ERAP1: variants seen among roughly 807,000 people sequenced by gnomAD.
ERAP1 encodes the protein endoplasmic reticulum aminopeptidase 1.
Under a neutral mutation model 103.7 loss-of-function variants are expected in ERAP1, and 86 were observed. That is an observed-to-expected ratio of 0.83 (90% CI 0.70 to 0.99). The LOEUF is 0.99. Ranked by LOEUF, ERAP1 falls within the 50% of genes least tolerant of loss-of-function variation. The pLI, the probability that ERAP1 is intolerant of heterozygous loss-of-function variation, is 0.00. For missense variants in ERAP1, 1,009 were observed against 1,128.4 expected, an observed-to-expected ratio of 0.89 and a Z score of 1.52; for synonymous variants, 398 against 402.4, an observed-to-expected ratio of 0.99 and a Z score of 0.13.
intron 5 of ERAP1, 74 bp downstream of exon 5, chr5:96,794,968 T>C: frequency 1.3e-6 from 2 of 1,562,308 alleles, no homozygotes; most frequent in South Asian, 2.3e-5. Context: ...ACTACAGGGA[T>C]GTGCCAATTA....
At position 96,790,187 on chromosome 5, in the gene ERAP1, G is replaced by A. The variant is rs1344892042; in HGVS notation, c.1524+109C>T. On this transcript the variant is annotated intron_variant, in intron 10 of 18. Coordinates refer to ENST00000443439, the MANE Select transcript of ERAP1 (RefSeq NM_001040458.3). Reference sequence around the variant, plus strand: ...GTTTAAATGCAGTCTTATCTGGAATGAGGGTGATATAATCAAGGACCTCAG... The same window carrying A: ...GTTTAAATGCAGTCTTATCTGGAATAAGGGTGATATAATCAAGGACCTCAG... 4 of 893,330 alleles carry A rather than the reference G, an allele frequency of 4.5e-6. 1 individual carries two copies. Among genetic ancestry groups the A allele is most frequent in the Non-Finnish European group, 7.4e-6 (4 of 542,390 alleles). The allele number at this position is 893,330 out of a possible 1,614,324, so 55.3% of individuals were successfully genotyped here. A position where few individuals can be genotyped will look rare whatever the true frequency, so the allele number is the denominator to read the frequency against.
chr5:96,883,643 C>T, the ERAP1 span: 1 of 777,508 alleles, frequency 1.3e-6, no homozygotes, highest in Admixed American at 3.4e-5. Flanking sequence ...TCATTTTCCT[C>T]AAAGAGACAG....
chr5:96,837,325 A>AAAG, the ERAP1 span, among the ~76,000 whole-genome samples: 2 of 152,258 alleles, frequency 1.3e-5, no homozygotes, highest in African/African-American at 4.8e-5. Flanking sequence ...ATAGTTTTTC[A>AAAG]AAGTTATTGT....
the ERAP1 span, among the ~76,000 whole-genome samples, chr5:96,834,099 A>G: frequency 1.3e-5 from 2 of 152,230 alleles, no homozygotes; most frequent in Non-Finnish European, 2.9e-5. Context: ...GGTAGCCTTA[A>G]TTTGTTAGCA....
chr5:96,797,152 A>G (rs758915240), intron 4 of ERAP1, 23 bp downstream of exon 4: 28 of 1,613,766 alleles, frequency 1.7e-5, no homozygotes, highest in Middle Eastern at 1.6e-4. Flanking sequence ...GCTGGTCACC[A>G]TATGTGACAG....
rs565789423 is a variant in ERAP1 at position 96,762,462 on chromosome 5, T to A, written c.*738A>T. 1,014 of 833,908 alleles carry A rather than the reference T, an allele frequency of 1.2e-3. 5 individuals carry two copies. The highest frequency in any genetic ancestry group is 9.6e-4 in the Non-Finnish European group (523 of 543,438). 51.7% of individuals were successfully genotyped at this position (833,908 alleles called of 1,614,324 possible). ...GGCGCCTGTTTAAAGCAAATGAAAATAGGCAGAATTATTAGGAAGATCAGG... is the reference window on the plus strand; with the variant it reads ...GGCGCCTGTTTAAAGCAAATGAAAAAAGGCAGAATTATTAGGAAGATCAGG... On this transcript the variant is annotated 3_prime_UTR_variant, in exon 20 of 20. Transcript: ENST00000296754.
At chr5:96,896,415 G>T in the ERAP1 span, 1 of 1,612,534 alleles carries the variant, frequency 6.2e-7, no homozygotes, top group Non-Finnish European at 8.5e-7. Flanking sequence ...AATTACAAAA[G>T]ATTCATTGAA....
At chr5:96,886,572 C>G in the ERAP1 span, 2 of 1,258,442 alleles carry the variant, frequency 1.6e-6, no homozygotes, top group Non-Finnish European at 2.1e-6. Context: ...AGGCTTGCCT[C>G]TAACTCACCT....
At chr5:96,823,055 C>T in the ERAP1 span, 171 of 456,256 alleles carry the variant, frequency 3.7e-4, no homozygotes, top group African/African-American at 2.8e-3. Flanking sequence ...GACTGGAGGC[C>T]GCCCTCATCT....
chr5:96,766,276 G>A, intron 19 of ERAP1: 1 of 584,992 alleles, frequency 1.7e-6, no homozygotes, highest in Non-Finnish European at 3.1e-6. Flanking sequence ...TGCTTCTAAT[G>A]TGTCACCAAA....
chr5:96,786,582 T>A, intron 11 of ERAP1, 33 bp from the exon 12 acceptor site: 1 of 1,364,034 alleles, frequency 7.3e-7, no homozygotes, highest in Non-Finnish European at 1.1e-6. Context: ...TGTTCATTTG[T>A]TGATTCAATT....
chr5:96,792,440 C>T (rs1451408926), intron 7 of ERAP1, among the ~76,000 whole-genome samples: 1 of 152,104 alleles, frequency 6.6e-6, no homozygotes, highest in East Asian at 1.9e-4. Context: ...AAGAAAATTT[C>T]GTATTAATCT....
At chr5:96,918,234 C>T in the ERAP1 span, 1 of 152,328 alleles carries the variant, frequency 6.6e-6, no homozygotes, top group African/African-American at 2.4e-5. Flanking sequence ...AATTATTTAG[C>T]CTCAAGTGAC....
chr5:96,776,382 C>T lies in ERAP1; in HGVS notation c.*14G>A. 6.2e-7 allele frequency: 1 copy of T among 1,601,446 alleles called. No individual in the cohort carries two copies. The highest frequency in any genetic ancestry group is 8.5e-7 in the Non-Finnish European group (1 of 1,173,402). ...GTGATTAGAGATAACAGGAACCTGGCAAGGGAGGAATTTTTACATACGTTC... is the reference window on the plus strand; with the variant it reads ...GTGATTAGAGATAACAGGAACCTGGTAAGGGAGGAATTTTTACATACGTTC... On this transcript the variant is annotated 3_prime_UTR_variant, in exon 19 of 19. Coordinates refer to ENST00000443439, the MANE Select transcript of ERAP1 (RefSeq NM_001040458.3).
chr5:96,779,877 T>G (rs780592771), intron 18 of ERAP1, among the ~76,000 whole-genome samples: 1 of 152,222 alleles, frequency 6.6e-6, no homozygotes, highest in Non-Finnish European at 1.5e-5. Context: ...CAGGGGACAA[T>G]TGCGAGAATT....
Position 96,803,766 on chromosome 5 carries a change from A to C in ERAP1, c.161T>G (p.Leu54Arg). The change falls in exon 2 of 19, where the codon CTT becomes CGT. Residue 54 changes from leucine (L) to arginine (R), a missense_variant. Coordinates refer to ENST00000443439, the MANE Select transcript of ERAP1 (RefSeq NM_001040458.3). ...GTPFPWNKIR[L>R]PEYVIPVHYD... is the part of the protein sequence containing the mutation. ...ATGAACTGGGATGACGTACTCAGGA[A>C]GTCGTATTTTATTCCAAGGAAATGG... 1 of 1,614,212 alleles carries C rather than the reference A, an allele frequency of 6.2e-7. No individual in the cohort carries two copies. Among genetic ancestry groups the C allele is most frequent in the South Asian group, 1.1e-5 (1 of 91,084 alleles).
exon 20 of ERAP1, chr5:96,762,281 A>G: frequency 1.2e-6 from 2 of 1,601,754 alleles, no homozygotes; most frequent in Non-Finnish European, 1.7e-6. Flanking sequence ...AAGAAATTTG[A>G]AGATGCTAAA....
the ERAP1 span, among the ~76,000 whole-genome samples, chr5:96,890,466 A>C: frequency 6.6e-6 from 1 of 152,164 alleles, no homozygotes; most frequent in Non-Finnish European, 1.5e-5. Flanking sequence ...CTAATAGGCC[A>C]TTGACAGGTA....
At chr5:96,801,755 G>A (rs186474654) in intron 2 of ERAP1, among the ~76,000 whole-genome samples, 2,406 of 149,356 alleles carry the variant, frequency 0.016, 67 homozygotes, top group Admixed American at 0.074. Flanking sequence ...AGGAGGCTGA[G>A]GCAGGAGAAT....
Sources: gnomAD v4.1 joint callset for allele counts (sites outside exome capture counted in the v4.1 genomes callset) on GRCh38, gnomAD v4.1.1 for gene constraint, MANE v1.5 for transcripts, NCBI Gene and HGNC (gene_info 2026-07-23, HGNC 2026-07-21) for gene names.